Variants in DNER observed in about 807,000 individuals in gnomAD.
DNER encodes the protein delta/notch like EGF repeat containing.
In DNER, 33 loss-of-function variants were observed where a neutral mutation model predicts 78.2. That is an observed-to-expected ratio of 0.42 (90% CI 0.32 to 0.56). The LOEUF (loss-of-function observed/expected upper bound fraction) is 0.56. DNER is among the 20% of genes least tolerant of loss of function. The pLI is 0.11. For synonymous variants in DNER, 417 were observed against 384.8 expected (o/e 1.08, Z -0.98); for missense variants, 918 against 975.3 (o/e 0.94, Z 0.78).
chr2:229,548,855 T>A (rs1416077116), intron 4 of DNER, among the ~76,000 whole-genome samples: 1 of 152,002 alleles, frequency 6.6e-6, no homozygotes, highest in East Asian at 1.9e-4. Context: ...AAGGGCAAAA[T>A]AATAACCATA....
At chr2:229,712,734 G>T (rs1699930060) in intron 1 of DNER, among the ~76,000 whole-genome samples, 1 of 152,172 alleles carries the variant, frequency 6.6e-6, no homozygotes, top group African/African-American at 2.4e-5. Context: ...CCCCCAAGAA[G>T]CTATCATGTC....
chr2:229,482,681 G>A (rs376407387), intron 6 of DNER, among the ~76,000 whole-genome samples: 32 of 152,276 alleles, frequency 2.1e-4, no homozygotes, highest in African/African-American at 6.7e-4. Context: ...AAGAGAAGTG[G>A]GGCACAGATT....
intron 8 of DNER, among the ~76,000 whole-genome samples, chr2:229,445,201 A>C (rs965222162): frequency 6.6e-6 from 1 of 152,100 alleles, no homozygotes; most frequent in African/African-American, 2.4e-5. Flanking sequence ...CCACATTCCC[A>C]ATAGGTAAGG....
intron 1 of DNER, among the ~76,000 whole-genome samples, chr2:229,617,288 T>G (rs1698182897): frequency 6.6e-6 from 1 of 152,224 alleles, no homozygotes; most frequent in Non-Finnish European, 1.5e-5. Context: ...ATTCAAATAA[T>G]TGCAACCTAA....
intron 10 of DNER, 77 bp downstream of exon 10, chr2:229,407,155 G>T: frequency 7.9e-7 from 1 of 1,269,216 alleles, no homozygotes; most frequent in Non-Finnish European, 1.1e-6. Context: ...ATTCATGATG[G>T]ATTTGGGTTT....
At chr2:229,685,021 A>G (rs1319861351) in intron 1 of DNER, among the ~76,000 whole-genome samples, 2 of 152,226 alleles carry the variant, frequency 1.3e-5, no homozygotes, top group African/African-American at 4.8e-5. Context: ...CAATCTGGAT[A>G]ATCACTGAAT....
chr2:229,479,192 T>C (rs1353264515), intron 6 of DNER, among the ~76,000 whole-genome samples: 1 of 152,142 alleles, frequency 6.6e-6, no homozygotes, highest in Non-Finnish European at 1.5e-5. Context: ...ACCACCCCAT[T>C]TAACAAATGA....
intron 1 of DNER, among the ~76,000 whole-genome samples, chr2:229,660,804 C>T (rs1409629112): frequency 6.6e-6 from 1 of 152,186 alleles, no homozygotes; most frequent in East Asian, 1.9e-4. Flanking sequence ...GTGACCTTAA[C>T]CTTGACTTAG....
intron 7 of DNER, among the ~76,000 whole-genome samples, chr2:229,455,092 A>C (rs996122231): frequency 6.6e-6 from 1 of 152,144 alleles, no homozygotes; most frequent in African/African-American, 2.4e-5. Context: ...TATTGCTTTA[A>C]CGAGTAAATT....
chr2:229,566,058 T>C (rs1428099544), intron 4 of DNER, among the ~76,000 whole-genome samples: 5 of 152,166 alleles, frequency 3.3e-5, no homozygotes, highest in Admixed American at 6.5e-5. Flanking sequence ...GTCGAAATAA[T>C]AATAACTTCT....
intron 1 of DNER, among the ~76,000 whole-genome samples, chr2:229,593,072 A>T (rs1237889310): frequency 6.6e-6 from 1 of 152,260 alleles, no homozygotes; most frequent in Admixed American, 6.5e-5. Context: ...ATTCTATGCT[A>T]TCACTTGGCA....
At chr2:229,453,920 TAAAAAAAAA>T (rs10602558) in intron 7 of DNER, among the ~76,000 whole-genome samples, 23 of 106,878 alleles carry the variant, frequency 2.2e-4, no homozygotes, top group African/African-American at 7.6e-4. Context: ...TAAAATATAT[TAAAAAAAAA>T]AAAAAAAAAA....
At chr2:229,520,068 G>T (rs752863582) in intron 5 of DNER, among the ~76,000 whole-genome samples, 1 of 152,104 alleles carries the variant, frequency 6.6e-6, no homozygotes, top group African/African-American at 2.4e-5. Flanking sequence ...GCAATTCTTC[G>T]CCAGAATTGG....
At chr2:229,545,661 A>G (rs1179888581) in intron 5 of DNER, among the ~76,000 whole-genome samples, 1 of 152,204 alleles carries the variant, frequency 6.6e-6, no homozygotes, top group Non-Finnish European at 1.5e-5. Context: ...TGACTCCCAA[A>G]CTGCTGCCTG....
intron 6 of DNER, among the ~76,000 whole-genome samples, chr2:229,492,356 G>A (rs1695418885): frequency 6.6e-6 from 1 of 152,064 alleles, no homozygotes; most frequent in Non-Finnish European, 1.5e-5. Flanking sequence ...AGCCCCAAGG[G>A]GTGCAATGTC....
chr2:229,539,542 G>A (rs554324234), intron 5 of DNER, among the ~76,000 whole-genome samples: 7 of 152,264 alleles, frequency 4.6e-5, no homozygotes, highest in Admixed American at 1.3e-4. Context: ...TAAATTCACC[G>A]TTTACTTTCC....
chr2:229,508,683 C>T (rs1695794581), intron 6 of DNER, among the ~76,000 whole-genome samples: 1 of 152,010 alleles, frequency 6.6e-6, no homozygotes, highest in African/African-American at 2.4e-5. Flanking sequence ...AGATCGAGAC[C>T]ATCCTGGCTA....
At chr2:229,589,770 T>C (rs1195129727) in intron 2 of DNER, among the ~76,000 whole-genome samples, 1 of 152,204 alleles carries the variant, frequency 6.6e-6, no homozygotes, top group African/African-American at 2.4e-5. Context: ...AACTGAGTCA[T>C]CCAGCAAAGA....
intron 8 of DNER, among the ~76,000 whole-genome samples, chr2:229,434,619 A>C (rs890507422): frequency 2.0e-5 from 3 of 152,234 alleles, no homozygotes; most frequent in African/African-American, 4.8e-5. Context: ...GAGTTGATAA[A>C]GCAGTGAAAA....
Sources: allele counts gnomAD v4.1 joint callset (sites outside exome capture counted in the v4.1 genomes callset), GRCh38; gene constraint gnomAD v4.1.1; transcripts MANE v1.5; gene names NCBI Gene and HGNC (gene_info 2026-07-23, HGNC 2026-07-21).